Variants in WDR72 observed in about 807,000 individuals in gnomAD.
WDR72 encodes the protein WD repeat-containing protein 72.
In WDR72, 120 loss-of-function variants were observed where a neutral mutation model predicts 124.2. The observed-to-expected ratio is 0.97, with a 90% CI of 0.83 to 1.12. The LOEUF (loss-of-function observed/expected upper bound fraction) is 1.12, where lower values mean the gene tolerates loss of function less well. Ranked by LOEUF, WDR72 falls within the 50% of genes most tolerant of loss-of-function variation. The pLI, the probability that WDR72 is intolerant of heterozygous loss-of-function variation, is 0.00. For synonymous variants in WDR72, 452 were observed against 441.7 expected (o/e 1.02, Z -0.29); for missense variants, 1,387 against 1,278.8 (o/e 1.08, Z -1.29).
chr15:53,618,534 A>G (rs1052419258), intron 14 of WDR72, among the ~76,000 whole-genome samples: 3 of 151,988 alleles, frequency 2.0e-5, no homozygotes, highest in Admixed American at 2.0e-4. Context: ...CAATGGAATA[A>G]TGTTTTTCTC....
At chr15:53,743,354 G>A (rs1430506204) in intron 1 of WDR72, among the ~76,000 whole-genome samples, 1 of 151,832 alleles carries the variant, frequency 6.6e-6, no homozygotes, top group African/African-American at 2.4e-5. Flanking sequence ...ATTTAAGCAT[G>A]TTATTTTAGT....
At chr15:53,750,072 C>T (rs752966930) in intron 1 of WDR72, among the ~76,000 whole-genome samples, 3 of 152,160 alleles carry the variant, frequency 2.0e-5, no homozygotes, top group Non-Finnish European at 4.4e-5. Context: ...GGTGGCTATA[C>T]TAAACAACAG....
chr15:53,628,944 T>A (rs1186457625), intron 14 of WDR72, among the ~76,000 whole-genome samples: 1 of 152,138 alleles, frequency 6.6e-6, no homozygotes, highest in Non-Finnish European at 1.5e-5. Context: ...CCAACAAGTC[T>A]ATAAGCAGAT....
intron 14 of WDR72, among the ~76,000 whole-genome samples, chr15:53,657,244 A>G (rs1247320558): frequency 6.8e-6 from 1 of 146,720 alleles, no homozygotes; most frequent in Non-Finnish European, 1.5e-5. Flanking sequence ...AGCCTGGGCA[A>G]AAGAGCGAGA....
chr15:53,524,093 C>A (rs930217200), intron 18 of WDR72, among the ~76,000 whole-genome samples: 2 of 151,954 alleles, frequency 1.3e-5, no homozygotes, highest in Admixed American at 1.3e-4. Flanking sequence ...AACATATTTC[C>A]ATATTACATT....
intron 2 of WDR72, among the ~76,000 whole-genome samples, chr15:53,726,192 A>ATG (rs1555428745): frequency 0.027 from 3,444 of 126,530 alleles, 146 homozygotes; most frequent in African/African-American, 0.087. Flanking sequence ...ATATATATAT[A>ATG]TGTGTGTGTG....
At chr15:53,711,058 A>G in intron 8 of WDR72, 105 bp from the exon 9 acceptor site, 4 of 1,037,468 alleles carry the variant, frequency 3.9e-6, no homozygotes, top group Non-Finnish European at 5.8e-6. Flanking sequence ...TCAAGTTTCT[A>G]AACTCTAGTT....
chr15:53,673,150 G>C (rs2016051952), intron 13 of WDR72, among the ~76,000 whole-genome samples: 1 of 150,096 alleles, frequency 6.7e-6, no homozygotes, highest in African/African-American at 2.5e-5. Context: ...GAAAAGAAAA[G>C]AAACTTGTTT....
intron 18 of WDR72, among the ~76,000 whole-genome samples, chr15:53,549,720 G>T (rs1282370793): frequency 2.6e-5 from 4 of 152,056 alleles, no homozygotes; most frequent in Admixed American, 2.6e-4. Flanking sequence ...GTAGGCTTTG[G>T]TTTTGGTTTT....
In WDR72 at chr15:53,674,734, A is replaced by G. The variant is rs187770560; in HGVS notation, c.1766-8966T>C. On this transcript the variant is annotated intron_variant, in intron 13 of 19. Coordinates refer to ENST00000360509, the MANE Select transcript of WDR72 (RefSeq NM_182758.4). ...GATAACAAACTTAGATTGGCGTCACATCAATCTTCTGTACCTTAAGGGTAT... is the reference window on the plus strand; with the variant it reads ...GATAACAAACTTAGATTGGCGTCACGTCAATCTTCTGTACCTTAAGGGTAT... 5.7e-3 allele frequency among the ~76,000 whole-genome samples: 868 copies of G among 152,320 alleles called. 5 individuals are homozygous for G. The highest frequency in any genetic ancestry group is 0.037 in the Middle Eastern group (11 of 294).
At chr15:53,569,696 C>G (rs1488853113) in intron 18 of WDR72, among the ~76,000 whole-genome samples, 8 of 151,982 alleles carry the variant, frequency 5.3e-5, no homozygotes, top group African/African-American at 1.9e-4. Context: ...TGCTGTACTT[C>G]TAATTAAGTC....
At chr15:53,636,427 A>C (rs1047071589) in intron 14 of WDR72, among the ~76,000 whole-genome samples, 1 of 152,200 alleles carries the variant, frequency 6.6e-6, no homozygotes, top group South Asian at 2.1e-4. Flanking sequence ...ACTACAAACT[A>C]ACTTCACTGA....
intron 18 of WDR72, among the ~76,000 whole-genome samples, chr15:53,539,707 G>C (rs1316409776): frequency 6.6e-6 from 1 of 150,926 alleles, no homozygotes; most frequent in Non-Finnish European, 1.5e-5. Context: ...GAGAGAAAGA[G>C]AGATTTTGAG....
intron 1 of WDR72, among the ~76,000 whole-genome samples, chr15:53,754,690 T>C (rs2018856077): frequency 6.6e-6 from 1 of 152,146 alleles, no homozygotes; most frequent in African/African-American, 2.4e-5. Flanking sequence ...TTTGTATTTC[T>C]TGGAGGAGGG....
intron 18 of WDR72, among the ~76,000 whole-genome samples, chr15:53,588,157 C>G (rs115303140): frequency 0.041 from 6,303 of 152,084 alleles, 152 homozygotes; most frequent in Middle Eastern, 0.058. Flanking sequence ...TTTCATTCTG[C>G]CTTGGACCAG....
rs2013848316 is a variant in WDR72 at position 53,618,256 on chromosome 15, TA to T, written c.1963-2014del. On this transcript the variant is annotated intron_variant, in intron 14 of 19. Coordinates refer to ENST00000360509, the MANE Select transcript of WDR72 (RefSeq NM_182758.4). ...CTTAAATATGTATTCCTATTTGACC[TA>T]CTTAATTTTGCATGTTTTTGCATGT... Among the ~76,000 whole-genome samples, 9 of 152,102 alleles carry T rather than the reference TA, an allele frequency of 5.9e-5. No homozygotes were observed. The South Asian group carries it at 1.7e-3, about 28-fold the overall frequency.
At chr15:53,734,173 T>C (rs1314598010) in intron 1 of WDR72, among the ~76,000 whole-genome samples, 2 of 152,138 alleles carry the variant, frequency 1.3e-5, no homozygotes, top group Non-Finnish European at 2.9e-5. Flanking sequence ...CACACAAATA[T>C]ATACATAAAC....
At chr15:53,622,631 G>C (rs1049930195) in intron 14 of WDR72, among the ~76,000 whole-genome samples, 3 of 151,978 alleles carry the variant, frequency 2.0e-5, no homozygotes, top group South Asian at 2.1e-4. Context: ...TCTGAGGAGG[G>C]AGCAGGGGGA....
intron 18 of WDR72, among the ~76,000 whole-genome samples, chr15:53,554,106 G>A (rs1893838054): frequency 6.6e-6 from 1 of 152,024 alleles, no homozygotes. Context: ...GATTTCAGGA[G>A]CCTGGCCAAA....
Sources: allele counts gnomAD v4.1 joint callset (sites outside exome capture counted in the v4.1 genomes callset), GRCh38; gene constraint gnomAD v4.1.1; transcripts MANE v1.5; gene names NCBI Gene and HGNC (gene_info 2026-07-23, HGNC 2026-07-21).